The following COL9A1 variants were observed in gnomAD, a reference collection of about 807,000 sequenced individuals.
COL9A1 encodes collagen alpha-1(IX) chain.
A neutral mutation model predicts 142.6 loss-of-function variants in COL9A1; 104 were observed. That is an observed-to-expected ratio of 0.73 (90% CI 0.62 to 0.86). The LOEUF (loss-of-function observed/expected upper bound fraction) is 0.86, where lower values mean the gene tolerates loss of function less well. COL9A1 is among the 40% of genes least tolerant of loss of function. The probability of loss-of-function intolerance (pLI) is 0.00; values close to 1 mark genes in which losing one functional copy is unlikely to be tolerated. For missense variants in COL9A1, 1,210 were observed against 1,176.6 expected (o/e 1.03, Z -0.42); for synonymous variants, 466 against 396.0 (o/e 1.18, Z -2.10).
chr6:70,245,670 A>T (rs1770548564), intron 28 of COL9A1: 1 of 152,142 alleles, frequency 6.6e-6, no homozygotes, highest in Non-Finnish European at 1.5e-5. Flanking sequence ...AAAATGATGA[A>T]TTGGCCGCGC....
At chr6:70,235,460 A>T (rs908239166) in intron 33 of COL9A1, among the ~76,000 whole-genome samples, 2 of 147,462 alleles carry the variant, frequency 1.4e-5, no homozygotes, top group African/African-American at 4.9e-5. Flanking sequence ...CTCAAAAATT[A>T]TAATAATAAT....
intron 37 of COL9A1, among the ~76,000 whole-genome samples, chr6:70,223,606 G>C (rs1769028597): frequency 6.6e-6 from 1 of 152,340 alleles, no homozygotes; most frequent in African/African-American, 2.4e-5. Flanking sequence ...GTGTCAACAA[G>C]AGAATGTGGG....
At chr6:70,271,758 T>C in intron 13 of COL9A1, 50 bp from the exon 14 acceptor site, 1 of 1,491,552 alleles carries the variant, frequency 6.7e-7, no homozygotes, top group Non-Finnish European at 9.3e-7. Flanking sequence ...ATTTTTACAA[T>C]CTATCATACA....
chr6:70,236,171 A>G (rs1235744691), intron 33 of COL9A1, among the ~76,000 whole-genome samples: 6 of 151,590 alleles, frequency 4.0e-5, no homozygotes, highest in Non-Finnish European at 7.4e-5. Context: ...AACTTACTTA[A>G]GTATGAAGGA....
chr6:70,279,749 A>AAGC (rs1403187333), intron 10 of COL9A1: 5 of 399,924 alleles, frequency 1.3e-5, no homozygotes, highest in African/African-American at 2.0e-5. Context: ...CCGACAAAGA[A>AAGC]AGCACACCTT....
At chr6:70,241,228 C>A (rs1380727669) in intron 31 of COL9A1, among the ~76,000 whole-genome samples, 191 bp downstream of exon 31, 3 of 152,152 alleles carry the variant, frequency 2.0e-5, no homozygotes, top group African/African-American at 7.2e-5. Flanking sequence ...ATCTTTAGCT[C>A]CAGCTTGTTA....
rs79863473 is a variant in COL9A1 at position 70,269,829 on chromosome 6, G to A, written c.1198-164C>T. ...TTCTAAAATCCTGACTCATGGGCAT[G>A]TTCTCTTTGGAGAGCCATGAATTGC... On this transcript the variant is annotated intron_variant, in intron 15 of 37. Coordinates refer to ENST00000357250, the MANE Select transcript of COL9A1 (RefSeq NM_001851.6). Among the ~76,000 whole-genome samples, 826 of 152,292 alleles carry A rather than the reference G, an allele frequency of 5.4e-3. 14 individuals are homozygous for A. The highest frequency in any genetic ancestry group is 0.019 in the African/African-American group (771 of 41,570).
At chr6:70,248,604 ACT>A (rs1411007026) in intron 28 of COL9A1, among the ~76,000 whole-genome samples, 2 of 152,116 alleles carry the variant, frequency 1.3e-5, no homozygotes, top group Non-Finnish European at 2.9e-5. Flanking sequence ...TGGTGTTAAA[ACT>A]CTGCTCCAGA....
intron 36 of COL9A1, 127 bp downstream of exon 36, chr6:70,232,456 G>A: frequency 9.1e-7 from 1 of 1,103,768 alleles, no homozygotes. Flanking sequence ...CTATTGAAAA[G>A]AGAATAATAC....
intron 10 of COL9A1, among the ~76,000 whole-genome samples, chr6:70,277,382 T>C (rs1772838594): frequency 6.6e-6 from 1 of 150,962 alleles, no homozygotes; most frequent in Non-Finnish European, 1.5e-5. Context: ...AAAGGGCAGA[T>C]TTGAGTTGAA....
At position 70,302,966 on chromosome 6, in the gene COL9A1, A is replaced by T. The variant is rs762191908; in HGVS notation, c.-42T>A. On this transcript the variant is annotated 5_prime_UTR_variant, in exon 1 of 38. Transcript: ENST00000357250. ...CTTTGTTTGCCAACAGTCCCTATGA[A>T]GAAGGGGTTGGAAGGGAGTCACTGT... is the stretch of plus-strand genomic sequence containing the variant. 2 of 1,608,898 alleles carry T rather than the reference A, an allele frequency of 1.2e-6. No individual in the cohort carries two copies. The highest frequency in any genetic ancestry group is 1.7e-6 in the Non-Finnish European group (2 of 1,175,292).
chr6:70,293,639 A>T (rs1288753782), intron 5 of COL9A1, among the ~76,000 whole-genome samples: 1 of 111,782 alleles, frequency 8.9e-6, no homozygotes, highest in Non-Finnish European at 2.0e-5. Flanking sequence ...TTTCACACAC[A>T]CACACACACA....
At chr6:70,252,575 A>G (rs1234338757) in intron 26 of COL9A1, among the ~76,000 whole-genome samples, 1 of 152,096 alleles carries the variant, frequency 6.6e-6, no homozygotes. Context: ...AGTTAAGGGG[A>G]TCCTCTTCAA....
intron 19 of COL9A1, among the ~76,000 whole-genome samples, chr6:70,261,318 C>T (rs528448464): frequency 2.3e-4 from 35 of 152,056 alleles, no homozygotes; most frequent in South Asian, 6.2e-4. Flanking sequence ...AAATGAGGGG[C>T]GGGGTGTGAT....
At chr6:70,241,571 G>T (rs1770263071) in intron 30 of COL9A1, 117 bp from the exon 31 acceptor site, 2 of 836,718 alleles carry the variant, frequency 2.4e-6, no homozygotes, top group Non-Finnish European at 4.0e-6. Flanking sequence ...GGGAGAGGAC[G>T]TTCCCACTCC....
chr6:70,243,815 A>G (rs541059470), intron 28 of COL9A1, among the ~76,000 whole-genome samples: 17 of 152,360 alleles, frequency 1.1e-4, no homozygotes, highest in Admixed American at 3.3e-4. Context: ...GGTGTGAGCC[A>G]CTGCGCCCGG....
chr6:70,242,295 C>T, intron 29 of COL9A1: 1 of 584,050 alleles, frequency 1.7e-6, no homozygotes, highest in Non-Finnish European at 3.1e-6. Context: ...TCAGTCAAGC[C>T]CCCGCCACCC....
intron 8 of COL9A1, 86 bp downstream of exon 8, chr6:70,281,304 A>C: frequency 7.2e-7 from 1 of 1,384,046 alleles, no homozygotes; most frequent in South Asian, 1.3e-5. Flanking sequence ...CTCTCTGAAA[A>C]AAAAAAAAAC....
chr6:70,242,058 C>T (rs1412888073), intron 29 of COL9A1, 23 bp from the exon 30 acceptor site: 1 of 1,575,264 alleles, frequency 6.3e-7, no homozygotes, highest in African/African-American at 1.4e-5. Context: ...AACAAAGTCC[C>T]CGGAGTTACT....
Sources: gnomAD v4.1 joint callset for allele counts (sites outside exome capture counted in the v4.1 genomes callset) on GRCh38, gnomAD v4.1.1 for gene constraint, MANE v1.5 for transcripts, NCBI Gene and HGNC (gene_info 2026-07-23, HGNC 2026-07-21) for gene names.